Variants in LRP1 observed in about 807,000 individuals in gnomAD.
LRP1 encodes LDL receptor related protein 1.
LRP1 carries 51 observed loss-of-function variants against 541.5 expected under a neutral mutation model. The observed-to-expected ratio is 0.09, with a 90% CI of 0.08 to 0.12. LRP1 has a LOEUF of 0.12. LRP1 is among the 10% of genes least tolerant of loss of function. The pLI, the probability that LRP1 is intolerant of heterozygous loss-of-function variation, is 1.00. For synonymous variants in LRP1, 2,219 were observed against 2,470.8 expected, an observed-to-expected ratio of 0.90 and a Z score of 3.02; for missense variants, 3,878 against 6,376.2, an observed-to-expected ratio of 0.61 and a Z score of 13.34.
chr12:57,166,024 G>A, intron 16 of LRP1, 60 bp from the exon 17 acceptor site: 1 of 1,613,466 alleles, frequency 6.2e-7, no homozygotes, highest in Non-Finnish European at 8.5e-7. Flanking sequence ...CTATACTGGA[G>A]CGGGCAGGAA....
chr12:57,185,836 T>C lies in LRP1; in HGVS notation c.6769T>C (p.Phe2257Leu). 1.2e-6 allele frequency: 2 copies of C among 1,614,192 alleles called. No individual in the cohort carries two copies. The highest frequency in any genetic ancestry group is 1.7e-6 in the Non-Finnish European group (2 of 1,180,028). Residue 2257 changes from phenylalanine to leucine, a missense_variant, in exon 41 of 89, where the codon TTC (phenylalanine) becomes CTC (leucine). Transcript: ENST00000243077. This position sits in a 1 kb window ranked among gnomAD's most constrained non-coding sequence, Gnocchi z 4.9. ...TSPGTPNRIF[F>L]SDIHFGNIQQ... ...TCCGGGCACCCCCAATCGCATCTTCTTCAGCGACATCCACTTTGGGAACAT... is the reference window on the plus strand; with the variant it reads ...TCCGGGCACCCCCAATCGCATCTTCCTCAGCGACATCCACTTTGGGAACAT...
At chr12:57,135,737 A>T (rs1431992403) in intron 1 of LRP1, among the ~76,000 whole-genome samples, 1 of 152,128 alleles carries the variant, frequency 6.6e-6, no homozygotes, top group Non-Finnish European at 1.5e-5. Flanking sequence ...CCCTCCCTGC[A>T]AGAGCACATC....
Position 57,183,651 on chromosome 12 carries a change from C to T in LRP1, c.5795-124C>T, listed in dbSNP as rs1212147288. Reference sequence around the variant, plus strand: ...GCTACAGCTGCCACCCTGACTCCACCTCCCCTTCAAGCACCTGGCCCCTCC... The same window carrying T: ...GCTACAGCTGCCACCCTGACTCCACTTCCCCTTCAAGCACCTGGCCCCTCC... On this transcript the variant is annotated intron_variant, in intron 35 of 88. Coordinates refer to ENST00000243077, the MANE Select transcript of LRP1 (RefSeq NM_002332.3). The surrounding 1 kb of genome is among the most constrained non-coding windows in gnomAD (Gnocchi z 6.1). The T allele has an allele frequency of 2.7e-6, 4 of 1,491,052 alleles. No homozygotes were observed. Among genetic ancestry groups the T allele is most frequent in the Non-Finnish European group, 9.1e-7 (1 of 1,101,940 alleles). The allele number at this position is 1,491,052 out of a possible 1,614,324, so 92.4% of individuals were successfully genotyped here.
In LRP1 at chr12:57,154,166, G is replaced by A; in HGVS notation, c.842-42G>A. ...GCAAAGGGTGGGCATCTCTGCAAGA[G>A]GGCCTACCCCACCCCATGGCTCTTT... On this transcript the variant is annotated intron_variant, in intron 6 of 88. Coordinates refer to ENST00000243077, the MANE Select transcript of LRP1 (RefSeq NM_002332.3). This position sits in a 1 kb window ranked among gnomAD's most constrained non-coding sequence, Gnocchi z 4.6. 1 of 1,582,842 alleles carries A rather than the reference G, an allele frequency of 6.3e-7. No homozygotes were observed. Among genetic ancestry groups the A allele is most frequent in the Non-Finnish European group, 8.6e-7 (1 of 1,157,510 alleles).
rs530789034 is a variant in LRP1, at chr12:57,199,730, T to G, written c.9866-147T>G. On this transcript the variant is annotated intron_variant, in intron 61 of 88. Transcript: ENST00000243077. ...TCAGGCCTGGCCTGATCCTGGGACC[T>G]TAGAATCCTCTCCTATCTCCAGCTT... is the stretch of plus-strand genomic sequence containing the variant. 9.8e-6 allele frequency: 10 copies of G among 1,025,292 alleles called. No individual in the cohort carries two copies. In the Admixed American group the frequency reaches 2.3e-4, roughly 24 times the overall value. 63.5% of individuals were successfully genotyped at this position (1,025,292 alleles called of 1,614,324 possible). A position where few individuals can be genotyped will look rare whatever the true frequency, so the allele number is the denominator to read the frequency against.
intron 20 of LRP1, among the ~76,000 whole-genome samples, chr12:57,169,660 C>T (rs1422225572): frequency 5.9e-5 from 9 of 152,214 alleles, no homozygotes; most frequent in Admixed American, 5.9e-4. Context: ...AACATCACAG[C>T]GCTGATGTGG....
Position 57,167,561 on chromosome 12 carries a change from A to G in LRP1, c.2995+37A>G, listed in dbSNP as rs377709874. The stretch of plus-strand genomic sequence containing the variant: ...CTCTCCTCACCTGCTGATTCCTAAG[A>G]CAGCTAGAGGCTACAGCCAGGCCCT... On this transcript the variant is annotated intron_variant, in intron 19 of 88. Transcript: ENST00000243077. The G allele has an allele frequency of 2.4e-4, 370 of 1,557,572 alleles. 1 individual carries two copies. Among genetic ancestry groups the G allele is most frequent in the Non-Finnish European group, 3.1e-4 (353 of 1,129,016 alleles).
rs144649648 is a variant in LRP1 at position 57,143,548 on chromosome 12, C to T, written c.329-131C>T. On this transcript the variant is annotated intron_variant, in intron 3 of 88. Transcript: ENST00000243077. ...AAATATGGTAGATGCTTCCTAAGGC[C>T]CTTCTGTCTCTGACACTGCAGCCCT... The T allele has an allele frequency of 2.5e-3, 2,790 of 1,116,146 alleles. 56 individuals are homozygous for T. The Admixed American group carries it at 0.034, about 14-fold the overall frequency. The allele number at this position is 1,116,146 out of a possible 1,614,324, so 69.1% of individuals were successfully genotyped here. A position where few individuals can be genotyped will look rare whatever the true frequency, so the allele number is the denominator to read the frequency against.
At chr12:57,143,843 C>T in intron 4 of LRP1, 45 bp downstream of exon 4, 1 of 1,574,462 alleles carries the variant, frequency 6.4e-7, no homozygotes, top group South Asian at 1.2e-5. Flanking sequence ...GTGCCAGTAG[C>T]CAGTTGAGGT....
intron 45 of LRP1, 70 bp from the exon 46 acceptor site, chr12:57,193,106 C>CG: frequency 6.3e-7 from 1 of 1,595,942 alleles, no homozygotes; most frequent in Non-Finnish European, 8.6e-7. Context: ...CTCAGCTCCC[C>CG]GGGGGAGGAG....
At chr12:57,150,097 G>A in intron 6 of LRP1, 1 of 230,802 alleles carries the variant, frequency 4.3e-6, no homozygotes, top group Non-Finnish European at 8.5e-6. Flanking sequence ...ACAAAAGGCA[G>A]CGCTCTCCTT....
chr12:57,195,012 A>G lies in LRP1; in HGVS notation c.8219A>G (p.Glu2740Gly). ...AAGTTCTGCTCAGAGGCCCAGTTTGAGTGCCAGAACCATCGCTGCATCTCC... is the reference window on the plus strand; with the variant it reads ...AAGTTCTGCTCAGAGGCCCAGTTTGGGTGCCAGAACCATCGCTGCATCTCC... ...CNKFCSEAQF[E>G]CQNHRCISKQ... Residue 2740 changes from glutamate (E) to glycine (G), a missense_variant, in exon 51 of 89, where the codon GAG (glutamate) becomes GGG (glycine). Glu to Gly is a moderately conservative substitution (Grantham distance 98). Transcript: ENST00000243077. 1 of 1,613,974 alleles carries G rather than the reference A, an allele frequency of 6.2e-7. No individual in the cohort carries two copies. Among genetic ancestry groups the G allele is most frequent in the African/African-American group, 1.3e-5 (1 of 75,024 alleles).
chr12:57,174,424 G>C (rs2036004303), intron 22 of LRP1, among the ~76,000 whole-genome samples: 1 of 152,182 alleles, frequency 6.6e-6, no homozygotes, highest in African/African-American at 2.4e-5. Flanking sequence ...CAGGCTTCCT[G>C]GAGGATGTGG....
In LRP1 at chr12:57,206,892, A is replaced by C. The variant is rs1285284770; in HGVS notation, c.11859+151A>C. The C allele has an allele frequency of 1.2e-6, 1 of 851,298 alleles. No homozygotes were observed. 52.7% of individuals were successfully genotyped at this position (851,298 alleles called of 1,614,324 possible). On this transcript the variant is annotated intron_variant, in intron 76 of 88. Coordinates refer to ENST00000243077, the MANE Select transcript of LRP1 (RefSeq NM_002332.3). This position sits in a 1 kb window ranked among gnomAD's most constrained non-coding sequence, Gnocchi z 4.7. ...GAGGCCAAGGCGGGCAGATCACCTG[A>C]GATCAGGAGTTTGAGACCAGCGTGG...
chr12:57,165,612 C>G lies in LRP1; in HGVS notation c.2531-193C>G. 1 of 599,186 alleles carries G rather than the reference C, an allele frequency of 1.7e-6. No homozygotes were observed. Among genetic ancestry groups the G allele is most frequent in the Non-Finnish European group, 2.9e-6 (1 of 341,158 alleles). 37.1% of individuals were successfully genotyped at this position (599,186 alleles called of 1,614,324 possible). A position where few individuals can be genotyped will look rare whatever the true frequency, so the allele number is the denominator to read the frequency against. On this transcript the variant is annotated intron_variant, in intron 15 of 88. Transcript: ENST00000243077. This position sits in a 1 kb window ranked among gnomAD's most constrained non-coding sequence, Gnocchi z 4.5. ...TACAGTAAGCATTAAGTAGAGTAAACATCACTATTGTTGCTTGGGAAAGAA... is the reference window on the plus strand; with the variant it reads ...TACAGTAAGCATTAAGTAGAGTAAAGATCACTATTGTTGCTTGGGAAAGAA...
In LRP1 at chr12:57,199,959, C is replaced by G; in HGVS notation, c.9948C>G (p.Ala3316=). 1 of 1,590,008 alleles carries G rather than the reference C, an allele frequency of 6.3e-7. No homozygotes were observed. Among genetic ancestry groups the G allele is most frequent in the Non-Finnish European group, 8.5e-7 (1 of 1,172,494 alleles). ...CCCCCGGGGGAGGGCACAAATGTGC[C>G]TGCCCCACCAACTTCTACCTGGGCA... is the stretch of plus-strand genomic sequence containing the variant. The part of the protein sequence containing the change: ...LLSPGGGHKC[A]CPTNFYLGSD... The change falls in exon 62 of 89, where the codon GCC becomes GCG. Residue 3316 remains alanine, a synonymous_variant. Transcript: ENST00000243077.
Position 57,211,874 on chromosome 12 carries a change from G to T in LRP1, c.13259-53G>T. 1.2e-6 allele frequency: 2 copies of T among 1,611,822 alleles called. No individual in the cohort carries two copies. Among genetic ancestry groups the T allele is most frequent in the Admixed American group, 1.7e-5 (1 of 60,006 alleles). ...GGGACCTAGAGCAGGGGGACCGTGT[G>T]CCTCCTGCTTCCCTGAGCCTTGGTG... On this transcript the variant is annotated intron_variant, in intron 86 of 88. Coordinates refer to ENST00000243077, the MANE Select transcript of LRP1 (RefSeq NM_002332.3). This position sits in a 1 kb window ranked among gnomAD's most constrained non-coding sequence, Gnocchi z 4.3.
At chr12:57,191,654 C>G in intron 44 of LRP1, 142 bp downstream of exon 44, 1 of 654,516 alleles carries the variant, frequency 1.5e-6, no homozygotes, top group Non-Finnish European at 2.4e-6. Context: ...CTACACTACA[C>G]ACACCACACC....
chr12:57,197,469 C>T lies in LRP1; in HGVS notation c.9163-76C>T. 1.2e-6 allele frequency: 2 copies of T among 1,612,196 alleles called. No individual in the cohort carries two copies. Among genetic ancestry groups the T allele is most frequent in the Non-Finnish European group, 1.7e-6 (2 of 1,178,536 alleles). ...TGCAAGTCTCCCCGCTTAGGTCCAA[C>T]CATCCCTCCCCCAGATGCAAATGTG... On this transcript the variant is annotated intron_variant, in intron 57 of 88. Coordinates refer to ENST00000243077, the MANE Select transcript of LRP1 (RefSeq NM_002332.3). The surrounding 1 kb of genome is among the most constrained non-coding windows in gnomAD (Gnocchi z 4.5).
Sources: allele counts gnomAD v4.1 joint callset (sites outside exome capture counted in the v4.1 genomes callset), GRCh38; gene constraint gnomAD v4.1.1; non-coding constraint Gnocchi (gnomAD v3.1); transcripts MANE v1.5; gene names NCBI Gene and HGNC (gene_info 2026-07-23, HGNC 2026-07-21).